ICE1: variants seen among roughly 807,000 people sequenced by gnomAD.
ICE1 encodes the protein interactor of little elongation complex ELL subunit 1.
ICE1 carries 64 observed loss-of-function variants against 192.7 expected under a neutral mutation model. That is an observed-to-expected ratio of 0.33 (90% confidence interval 0.27 to 0.41). The LOEUF is 0.41. Ranked by LOEUF, ICE1 falls within the 10% of genes least tolerant of loss-of-function variation. ICE1 has a pLI of 1.00. For synonymous variants in ICE1, 1,010 were observed against 984.5 expected (o/e 1.03, Z -0.49); for missense variants, 2,708 against 2,696.0 (o/e 1.00, Z -0.10).
chr5:5,437,246 C>A, intron 3 of ICE1, 132 bp downstream of exon 3: 1 of 634,864 alleles, frequency 1.6e-6, no homozygotes, highest in Non-Finnish European at 2.8e-6. Context: ...GGGAGCATGT[C>A]TCACAAGCAC....
At chr5:5,483,350 G>A (rs188137999) in intron 17 of ICE1, among the ~76,000 whole-genome samples, 76 of 152,264 alleles carry the variant, frequency 5.0e-4, no homozygotes, top group Admixed American at 9.8e-4. Flanking sequence ...TTACTCCGTG[G>A]ACAGTAAAAC....
chr5:5,484,346 G>A (rs561385847), intron 17 of ICE1, among the ~76,000 whole-genome samples: 2 of 152,176 alleles, frequency 1.3e-5, no homozygotes, highest in Non-Finnish European at 2.9e-5. Context: ...TCCTGGGAAC[G>A]CATGCACATC....
At chr5:5,469,508 T>G (rs1347865636) in intron 15 of ICE1, among the ~76,000 whole-genome samples, 1 of 152,196 alleles carries the variant, frequency 6.6e-6, no homozygotes, top group African/African-American at 2.4e-5. Flanking sequence ...ATCATTTTCT[T>G]TCATTCATTC....
chr5:5,446,741 A>G (rs1738237446), intron 7 of ICE1, among the ~76,000 whole-genome samples: 1 of 152,084 alleles, frequency 6.6e-6, no homozygotes, highest in Non-Finnish European at 1.5e-5. Context: ...GATTACTGAG[A>G]AAAAAAATAT....
intron 1 of ICE1, among the ~76,000 whole-genome samples, chr5:5,426,442 C>G (rs144344443): frequency 7.2e-6 from 1 of 139,096 alleles, no homozygotes; most frequent in Non-Finnish European, 1.5e-5. Flanking sequence ...AGCAAGACTC[C>G]GTCTCAAAAA....
intron 17 of ICE1, among the ~76,000 whole-genome samples, chr5:5,486,145 G>A (rs1471728041): frequency 6.6e-6 from 1 of 152,210 alleles, no homozygotes; most frequent in Admixed American, 6.5e-5. Flanking sequence ...CAGGTTTAGT[G>A]AGAGTAATTG....
In ICE1 at chr5:5,444,280, C is replaced by T. The variant is rs749679974; in HGVS notation, c.387-9C>T. ...TCTTGCCATTTAACTTACACAATTTCGTTATTAGGAAGAAGAAACTAGAAG... is the reference window on the plus strand; with the variant it reads ...TCTTGCCATTTAACTTACACAATTTTGTTATTAGGAAGAAGAAACTAGAAG... On this transcript the variant is annotated splice_polypyrimidine_tract_variant and intron_variant, in intron 6 of 18. Transcript: ENST00000296564. 12 of 1,554,316 alleles carry T rather than the reference C, an allele frequency of 7.7e-6. No individual in the cohort carries two copies. In the Admixed American group the frequency reaches 1.1e-4, roughly 15 times the overall value.
At chr5:5,447,805 A>G in intron 9 of ICE1, 36 bp from the exon 10 acceptor site, 2 of 1,570,172 alleles carry the variant, frequency 1.3e-6, no homozygotes, top group Non-Finnish European at 1.7e-6. Flanking sequence ...TTTGATATGT[A>G]GTATTTTATT....
chr5:5,456,669 G>A (rs909877951), intron 11 of ICE1, among the ~76,000 whole-genome samples: 13 of 151,952 alleles, frequency 8.6e-5, no homozygotes, highest in East Asian at 7.7e-4. Flanking sequence ...ATAATCAACC[G>A]CCTATCCAAG....
intron 12 of ICE1, 31 bp downstream of exon 12, chr5:5,457,772 A>G (rs535964667): frequency 1.7e-5 from 27 of 1,571,290 alleles, no homozygotes; most frequent in Non-Finnish European, 2.3e-5. Flanking sequence ...TTGAATTACC[A>G]AGTGGGTACA....
chr5:5,460,174 G>T (rs1244214612), intron 12 of ICE1, among the ~76,000 whole-genome samples: 1 of 152,124 alleles, frequency 6.6e-6, no homozygotes, highest in Non-Finnish European at 1.5e-5. Context: ...TGTAGAGTGG[G>T]GTGTGACACT....
Position 5,422,994 on chromosome 5 carries a change from C to T in ICE1, c.79C>T (p.Gln27Ter). The T allele has an allele frequency of 7.0e-7, 1 of 1,437,368 alleles. No individual in the cohort carries two copies. Among genetic ancestry groups the T allele is most frequent in the East Asian group, 3.0e-5 (1 of 32,800 alleles). 89.0% of individuals were successfully genotyped at this position (1,437,368 alleles called of 1,614,324 possible). The change falls in exon 1 of 19, where the codon CAG becomes TAG. Residue 27 changes from glutamine (Q) to a stop codon, truncating the protein, a stop_gained. Transcript: ENST00000296564. LOFTEE classifies it high-confidence loss of function. Reference sequence around the variant, plus strand: ...GCGATGTCAGGGCTGCGCCTCTCTGCAGCAGGTGCAGCACCTCCCGGGGCC... The same window carrying T: ...GCGATGTCAGGGCTGCGCCTCTCTGTAGCAGGTGCAGCACCTCCCGGGGCC... ...LSRCQGCASLQQNLNEYVEAL... is the reference protein window; with the variant it reads ...LSRCQGCASL
At position 5,460,619 on chromosome 5, in the gene ICE1, C is replaced by T; in HGVS notation, c.1285C>T (p.Leu429=). The change falls in exon 13 of 19, where the codon CTG becomes TTG. Residue 429 remains leucine, a synonymous_variant. Transcript: ENST00000296564. The part of the protein sequence containing the change: ...KPKSHEAIQA[L]NTWEVNKVTT... ...CAAATCACATGAAGCTATCCAAGCTCTGAATACATGGGAAGTAAATAAAGT... is the reference window on the plus strand; with the variant it reads ...CAAATCACATGAAGCTATCCAAGCTTTGAATACATGGGAAGTAAATAAAGT... The T allele has an allele frequency of 6.2e-7, 1 of 1,613,718 alleles. No individual in the cohort carries two copies. Among genetic ancestry groups the T allele is most frequent in the Non-Finnish European group, 8.5e-7 (1 of 1,179,790 alleles).
At chr5:5,441,669 T>C (rs971845405) in intron 5 of ICE1, among the ~76,000 whole-genome samples, 4 of 152,222 alleles carry the variant, frequency 2.6e-5, no homozygotes, top group Non-Finnish European at 5.9e-5. Flanking sequence ...CAGTGGTGAA[T>C]GAAGCGTGTA....
intron 6 of ICE1, 67 bp downstream of exon 6, chr5:5,443,311 G>A (rs1488266834): frequency 6.8e-6 from 6 of 881,992 alleles, no homozygotes; most frequent in South Asian, 1.8e-5. Flanking sequence ...TTCTTAAGTC[G>A]GTAGTGTTTT....
chr5:5,469,657 G>T (rs1739099025), intron 15 of ICE1, among the ~76,000 whole-genome samples: 1 of 152,152 alleles, frequency 6.6e-6, no homozygotes, highest in African/African-American at 2.4e-5. Flanking sequence ...CTGGGCTTAT[G>T]TGTGGAGCAG....
intron 13 of ICE1, 83 bp downstream of exon 13, chr5:5,465,309 G>C: frequency 1.1e-6 from 1 of 943,058 alleles, no homozygotes; most frequent in South Asian, 1.8e-5. Context: ...AAAATGTGTA[G>C]ATGACCATGA....
At chr5:5,433,922 C>G (rs1203350193) in intron 1 of ICE1, among the ~76,000 whole-genome samples, 1 of 151,366 alleles carries the variant, frequency 6.6e-6, no homozygotes, top group Non-Finnish European at 1.5e-5. Context: ...AGGCATATCA[C>G]TTATGAACAT....
At chr5:5,430,128 C>T (rs1214074326) in intron 1 of ICE1, among the ~76,000 whole-genome samples, 1 of 152,156 alleles carries the variant, frequency 6.6e-6, no homozygotes, top group African/African-American at 2.4e-5. Flanking sequence ...GGAAGAACAC[C>T]TTGAACCTCA....
Sources: allele counts gnomAD v4.1 joint callset (sites outside exome capture counted in the v4.1 genomes callset), GRCh38; gene constraint gnomAD v4.1.1; transcripts MANE v1.5; gene names NCBI Gene and HGNC (gene_info 2026-07-23, HGNC 2026-07-21).